The following CHD9 variants were observed in gnomAD, a reference collection of about 807,000 sequenced individuals.
The protein encoded by CHD9 is chromodomain helicase DNA binding protein 9.
A neutral mutation model predicts 316.1 loss-of-function variants in CHD9; 77 were observed. The ratio of observed to expected loss-of-function variants is 0.24; its 90% confidence interval spans 0.20 to 0.29. The LOEUF (loss-of-function observed/expected upper bound fraction) is 0.29, where lower values mean the gene tolerates loss of function less well. CHD9 is among the 10% of genes least tolerant of loss of function. The probability of loss-of-function intolerance (pLI) is 1.00; values close to 1 mark genes in which losing one functional copy is unlikely to be tolerated. For synonymous variants in CHD9, 1,129 were observed against 1,158.3 expected (o/e 0.97, Z 0.51); for missense variants, 2,763 against 3,438.1 (o/e 0.80, Z 4.91).
intron 1 of CHD9, among the ~76,000 whole-genome samples, chr16:53,083,648 G>A (rs772520722): frequency 3.9e-5 from 6 of 152,086 alleles, no homozygotes; most frequent in African/African-American, 7.2e-5. Flanking sequence ...CCCCAACTCC[G>A]TGCCTCAGTT....
intron 24 of CHD9, among the ~76,000 whole-genome samples, chr16:53,278,871 G>A (rs1200408632): frequency 6.6e-6 from 1 of 152,184 alleles, no homozygotes; most frequent in Non-Finnish European, 1.5e-5. Flanking sequence ...AGGTGCTGGA[G>A]AGGATGTGGA....
chr16:53,311,174 C>CAA (rs56041087), intron 34 of CHD9: 19 of 97,422 alleles, frequency 2.0e-4, no homozygotes, highest in African/African-American at 3.8e-4. Flanking sequence ...AGACCTGTCT[C>CAA]AAAAAAAAAA....
intron 17 of CHD9, 92 bp from the exon 18 acceptor site, chr16:53,254,346 A>C (rs998998226): frequency 2.3e-6 from 2 of 871,264 alleles, no homozygotes; most frequent in Admixed American, 5.7e-5. Flanking sequence ...ATGGTCTAAG[A>C]ATTCTTGTAT....
chr16:53,183,012 A>G (rs778007216), intron 2 of CHD9, among the ~76,000 whole-genome samples: 5 of 152,216 alleles, frequency 3.3e-5, no homozygotes, highest in African/African-American at 4.8e-5. Context: ...AACAATTACA[A>G]TCAACAACGA....
At chr16:53,172,679 A>G (rs1451230354) in intron 2 of CHD9, among the ~76,000 whole-genome samples, 1 of 152,166 alleles carries the variant, frequency 6.6e-6, no homozygotes, top group African/African-American at 2.4e-5. Context: ...TCAGTGCTTG[A>G]TCTGATATGG....
intron 1 of CHD9, among the ~76,000 whole-genome samples, chr16:53,083,551 G>C (rs1364521775): frequency 6.6e-6 from 1 of 152,020 alleles, no homozygotes; most frequent in African/African-American, 2.4e-5. Flanking sequence ...GACAATTCCT[G>C]AAGACACCTG....
intron 29 of CHD9, among the ~76,000 whole-genome samples, chr16:53,294,210 A>C (rs973455361): frequency 6.6e-6 from 1 of 152,194 alleles, no homozygotes; most frequent in Non-Finnish European, 1.5e-5. Context: ...ATGGAAAAGA[A>C]TAGCTATCTT....
chr16:53,255,708 G>T lies in CHD9; in HGVS notation c.4138G>T (p.Asp1380Tyr). The T allele has an allele frequency of 6.2e-7, 1 of 1,613,878 alleles. No individual in the cohort carries two copies. The highest frequency in any genetic ancestry group is 1.1e-5 in the South Asian group (1 of 91,086). ...CTCTAAATTCTGCGAAGAGGATATC[G>T]ATCAGATTTTACTACGTCGTACAAA... is the stretch of plus-strand genomic sequence containing the variant. ...EGSKFCEEDIDQILLRRTKTI... is the reference protein window; with the variant it reads ...EGSKFCEEDIYQILLRRTKTI... Residue 1380 changes from aspartate (D) to tyrosine (Y), a missense_variant, in exon 19 of 39, where the codon GAT becomes TAT. This residue lies in a region of CHD9 where 199 missense variants were observed against 251.7 expected (regional missense o/e 0.79). Coordinates refer to ENST00000447540, the MANE Select transcript of CHD9 (RefSeq NM_001308319.2).
intron 34 of CHD9, among the ~76,000 whole-genome samples, chr16:53,312,835 A>G (rs560840481): frequency 1.3e-5 from 2 of 152,336 alleles, no homozygotes; most frequent in South Asian, 2.1e-4. Context: ...GCCAGAAGGC[A>G]ACACCTTCTT....
intron 1 of CHD9, among the ~76,000 whole-genome samples, chr16:53,112,547 C>T (rs916773831): frequency 6.6e-6 from 1 of 152,144 alleles, no homozygotes; most frequent in Admixed American, 6.6e-5. Context: ...TATTATGGGC[C>T]ATTCTTTTTG....
chr16:53,316,129 G>A (rs73608032), intron 36 of CHD9, among the ~76,000 whole-genome samples: 4,924 of 151,920 alleles, frequency 0.032, 99 homozygotes, highest in Middle Eastern at 0.071. Flanking sequence ...TGCTCAGGCC[G>A]GTCTCAAACT....
At chr16:53,310,030 A>G (rs531260250) in intron 34 of CHD9, among the ~76,000 whole-genome samples, 1 of 152,344 alleles carries the variant, frequency 6.6e-6, no homozygotes, top group African/African-American at 2.4e-5. Flanking sequence ...CAAGCAATAC[A>G]TGCTGTATTA....
rs756000122 is a variant in CHD9 at position 53,262,989 on chromosome 16, G to C, written c.4212G>C (p.Ala1404=). 3 of 1,611,200 alleles carry C rather than the reference G, an allele frequency of 1.9e-6. No homozygotes were observed. The South Asian group carries it at 3.3e-5, about 18-fold the overall frequency. ...AAAACTGCCATTATATATTTCAGGC[G>C]AGTTTTGTGGCATCTGGAAACCGGA... The part of the protein sequence containing the change: ...SEGRGSTFAK[A]SFVASGNRTD... The change falls in exon 20 of 39, where the codon GCG becomes GCC. Residue 1404 remains alanine (A), a splice_region_variant and synonymous_variant. Transcript: ENST00000447540.
chr16:53,186,203 G>A (rs1476930868), intron 2 of CHD9, among the ~76,000 whole-genome samples: 1 of 152,240 alleles, frequency 6.6e-6, no homozygotes, highest in Non-Finnish European at 1.5e-5. Context: ...CAAAGCCACA[G>A]GGATGGAAAT....
chr16:53,102,847 CTCTT>C (rs1376946965), intron 1 of CHD9, among the ~76,000 whole-genome samples: 2 of 151,970 alleles, frequency 1.3e-5, no homozygotes, highest in Non-Finnish European at 2.9e-5. Flanking sequence ...GAGACCCTGT[CTCTT>C]TCTTTTTTTG....
At position 53,156,000 on chromosome 16, in the gene CHD9, C is replaced by T. The variant is rs2041496298; in HGVS notation, c.-90C>T. 2.4e-6 allele frequency: 3 copies of T among 1,253,250 alleles called. No homozygotes were observed. Among genetic ancestry groups the T allele is most frequent in the Non-Finnish European group, 3.3e-6 (3 of 911,764 alleles). The allele number at this position is 1,253,250 out of a possible 1,614,324, so 77.6% of individuals were successfully genotyped here. A position where few individuals can be genotyped will look rare whatever the true frequency, so the allele number is the denominator to read the frequency against. On this transcript the variant is annotated 5_prime_UTR_variant, in exon 2 of 39. Coordinates refer to ENST00000447540, the MANE Select transcript of CHD9 (RefSeq NM_001308319.2). ...GACCTGTTTTGGATTAGTTGATGACCTTCGGAAATGATCCAATAATATCTA... is the reference window on the plus strand; with the variant it reads ...GACCTGTTTTGGATTAGTTGATGACTTTCGGAAATGATCCAATAATATCTA...
chr16:53,300,176 AC>A (rs576747278), intron 30 of CHD9, among the ~76,000 whole-genome samples: 149 of 152,202 alleles, frequency 9.8e-4, no homozygotes, highest in African/African-American at 3.5e-3. Flanking sequence ...ACGTGGCGAA[AC>A]CCCATCTCTA....
At chr16:53,230,185 A>G (rs537148177) in intron 8 of CHD9, among the ~76,000 whole-genome samples, 20 of 152,326 alleles carry the variant, frequency 1.3e-4, no homozygotes, top group East Asian at 9.6e-4. Flanking sequence ...GTGATGCTCT[A>G]TTCTTCCAGT....
At chr16:53,190,516 C>G (rs186894298) in intron 2 of CHD9, among the ~76,000 whole-genome samples, 165 of 152,080 alleles carry the variant, frequency 1.1e-3, no homozygotes, top group African/African-American at 3.5e-3. Flanking sequence ...ATATAACTTA[C>G]GAAATTTTTT....
Sources: gnomAD v4.1 joint callset for allele counts (sites outside exome capture counted in the v4.1 genomes callset) on GRCh38, gnomAD v4.1.1 for gene constraint, gnomAD v4.1.1 regional missense constraint, MANE v1.5 for transcripts, NCBI Gene and HGNC (gene_info 2026-07-23, HGNC 2026-07-21) for gene names.